SPRY3: variants seen among roughly 807,000 people sequenced by gnomAD.
SPRY3 encodes protein sprouty homolog 3.
A neutral mutation model predicts 20.2 loss-of-function variants in SPRY3; 15 were observed. The ratio of observed to expected loss-of-function variants is 0.74; its 90% confidence interval spans 0.50 to 1.14. The LOEUF (loss-of-function observed/expected upper bound fraction) is 1.14, where lower values mean the gene tolerates loss of function less well. Among genes scored for constraint, SPRY3 ranks in the 50% most tolerant of loss-of-function variants. The pLI is 0.00. For synonymous variants in SPRY3, 143 were observed against 136.5 expected (o/e 1.05, Z -0.33); for missense variants, 364 against 363.9 (o/e 1.00, Z 0.00).
chrX:155,704,688 G>T (rs893993670), intron 2 of SPRY3, among the ~76,000 whole-genome samples: 2 of 151,440 alleles, frequency 1.3e-5, no homozygotes, highest in Non-Finnish European at 3.0e-5. Context: ...CACCAAACAT[G>T]ACTTTTTAAA....
At chrX:155,733,330 CAT>C (rs886775306) in intron 2 of SPRY3, among the ~76,000 whole-genome samples, 1 of 148,176 alleles carries the variant, frequency 6.7e-6, no homozygotes, top group African/African-American at 2.5e-5. Flanking sequence ...TATATATACA[CAT>C]ATATATGCTG....
chrX:155,712,004 A>G (rs1311627404), intron 2 of SPRY3, among the ~76,000 whole-genome samples: 1 of 151,768 alleles, frequency 6.6e-6, no homozygotes, highest in Non-Finnish European at 1.5e-5. Flanking sequence ...GTATGTTTAT[A>G]TAGTTTCCAA....
At chrX:155,663,924 A>C (rs1468137061) in intron 2 of SPRY3, among the ~76,000 whole-genome samples, 1 of 111,509 alleles carries the variant, frequency 9.0e-6, no homozygotes, top group Non-Finnish European at 1.9e-5. Context: ...AATATGCAAG[A>C]ATGGACACCC....
intron 1 of SPRY3, among the ~76,000 whole-genome samples, chrX:155,650,566 C>T (rs955512240): frequency 1.1e-4 from 12 of 111,793 alleles, no homozygotes; most frequent in African/African-American, 3.6e-4. Flanking sequence ...TTGGATGCAG[C>T]GTTCTATATA....
At chrX:155,760,858 C>T (rs1392679203) in intron 2 of SPRY3, among the ~76,000 whole-genome samples, 5 of 152,044 alleles carry the variant, frequency 3.3e-5, no homozygotes, top group South Asian at 2.1e-4. Context: ...AACAGGCCGC[C>T]GACCCCTACC....
At chrX:155,739,758 C>T (rs968411323) in intron 2 of SPRY3, among the ~76,000 whole-genome samples, 106 of 152,180 alleles carry the variant, frequency 7.0e-4, no homozygotes, top group African/African-American at 2.2e-3. Context: ...GAGAAACAAA[C>T]AAACAGGAAG....
chrX:155,647,458 GC>G (rs1200814903), intron 1 of SPRY3, among the ~76,000 whole-genome samples: 1 of 106,411 alleles, frequency 9.4e-6, no homozygotes, highest in Non-Finnish European at 1.9e-5. Context: ...CCCTCCCCTT[GC>G]CCCCACCCCC....
intron 2 of SPRY3, among the ~76,000 whole-genome samples, chrX:155,680,594 A>G (rs900336023): frequency 9.0e-6 from 1 of 111,581 alleles, no homozygotes; most frequent in African/African-American, 3.3e-5. Flanking sequence ...AGAGATGATC[A>G]GTTCAATTTG....
chrX:155,682,336 C>T (rs986900944), intron 2 of SPRY3, among the ~76,000 whole-genome samples: 1 of 112,468 alleles, frequency 8.9e-6, no homozygotes, highest in African/African-American at 3.2e-5. Context: ...CAAAATATTA[C>T]TGCCCATTGA....
rs1393884086 is a variant in SPRY3 at position 155,626,438 on chromosome X, T to C, written c.-441+13791T>C. 2.7e-5 allele frequency among the ~76,000 whole-genome samples: 3 copies of C among 111,875 alleles called. No individual in the cohort carries two copies. In the Admixed American group the frequency reaches 2.9e-4, roughly 11 times the overall value. On this transcript the variant is annotated intron_variant, in intron 1 of 3. Coordinates refer to ENST00000675360, the Ensembl canonical transcript of SPRY3. ...TTGAGTTGTAAGAGCATTTTACATA[T>C]TCTAGATACAAGATCTTGTCAGATA...
chrX:155,744,333 C>T (rs2091216242), intron 2 of SPRY3, among the ~76,000 whole-genome samples: 1 of 152,038 alleles, frequency 6.6e-6, no homozygotes, highest in South Asian at 2.1e-4. Flanking sequence ...CAAGGACAGA[C>T]AGACACCATG....
At chrX:155,694,679 A>G in intron 2 of SPRY3, among the ~76,000 whole-genome samples, 1 of 112,002 alleles carries the variant, frequency 8.9e-6, no homozygotes, top group Middle Eastern at 4.7e-3. Flanking sequence ...TGACTAGATA[A>G]TCCCATCTGG....
At chrX:155,743,457 G>A (rs2091212662) in intron 2 of SPRY3, among the ~76,000 whole-genome samples, 1 of 152,108 alleles carries the variant, frequency 6.6e-6, no homozygotes. Flanking sequence ...ATGGAGATAC[G>A]TGGACAACCT....
intron 1 of SPRY3, among the ~76,000 whole-genome samples, chrX:155,640,530 T>C (rs1034779012): frequency 9.8e-5 from 11 of 111,891 alleles, no homozygotes; most frequent in Admixed American, 9.5e-4. Context: ...AGTATGAACA[T>C]ATTAATAATA....
intron 2 of SPRY3, among the ~76,000 whole-genome samples, chrX:155,734,750 C>T (rs1231904372): frequency 1.3e-5 from 2 of 151,466 alleles, no homozygotes; most frequent in Non-Finnish European, 2.9e-5. Flanking sequence ...TTCTTTTTTT[C>T]TTGGTTAGCC....
At position 155,771,916 on chromosome X, in the gene SPRY3, T is replaced by G. The variant is rs185889557; in HGVS notation, c.-106-1850T>G. On this transcript the variant is annotated intron_variant, in intron 3 of 3. Coordinates refer to ENST00000675360, the Ensembl canonical transcript of SPRY3. ...TGAAAAGAAATATTTTATAAAATTG[T>G]GTAGTTATAGAAAGAAATACAGACC... Among the ~76,000 whole-genome samples, 548 of 152,276 alleles carry G rather than the reference T, an allele frequency of 3.6e-3. 6 individuals are homozygous for G. Among genetic ancestry groups the G allele is most frequent in the African/African-American group, 0.013 (532 of 41,564 alleles).
chrX:155,779,485 G>A (rs2040741803), downstream of SPRY3: 1 of 166,628 alleles, frequency 6.0e-6, no homozygotes, highest in South Asian at 2.1e-4. Context: ...TTTTTTATAT[G>A]GAAATTAATT....
chrX:155,700,506 T>C (rs936757725), intron 2 of SPRY3, among the ~76,000 whole-genome samples: 1 of 104,233 alleles, frequency 9.6e-6, no homozygotes, highest in African/African-American at 3.7e-5. Flanking sequence ...TTATTCACAA[T>C]AGCCAAAAGG....
chrX:155,761,165 G>C (rs2091302544), intron 2 of SPRY3, among the ~76,000 whole-genome samples: 1 of 151,926 alleles, frequency 6.6e-6, no homozygotes. Context: ...AATACCCTAT[G>C]GGGCTAAATT....
Sources: gnomAD v4.1 joint callset for allele counts (sites outside exome capture counted in the v4.1 genomes callset) on GRCh38, gnomAD v4.1.1 for gene constraint, MANE v1.5 for transcripts, NCBI Gene and HGNC (gene_info 2026-07-23, HGNC 2026-07-21) for gene names.